Variants in UBE2Q2 observed in about 807,000 individuals in gnomAD.
UBE2Q2 encodes the protein ubiquitin-conjugating enzyme E2 Q2.
In UBE2Q2, 54 loss-of-function variants were observed where a neutral mutation model predicts 59.9. The ratio of observed to expected loss-of-function variants is 0.90; its 90% CI spans 0.72 to 1.13. The LOEUF is 1.13. Ranked by LOEUF, UBE2Q2 falls within the 50% of genes most tolerant of loss-of-function variation. The probability of loss-of-function intolerance (pLI) is 0.00; values close to 1 mark genes in which losing one functional copy is unlikely to be tolerated. For missense variants in UBE2Q2, 433 were observed against 441.9 expected (o/e 0.98, Z 0.18); for synonymous variants, 165 against 155.2 (o/e 1.06, Z -0.47).
At chr15:75,886,400 T>G (rs1255352421) in intron 9 of UBE2Q2, among the ~76,000 whole-genome samples, 1 of 152,122 alleles carries the variant, frequency 6.6e-6, no homozygotes, top group African/African-American at 2.4e-5. Context: ...GATTATGGCA[T>G]GAGCCACTGC....
chr15:75,897,702 A>C (rs987035766), intron 12 of UBE2Q2, among the ~76,000 whole-genome samples: 6 of 150,890 alleles, frequency 4.0e-5, no homozygotes, highest in African/African-American at 1.5e-4. Context: ...TCTTGTTGTT[A>C]TAACTGGAGT....
In UBE2Q2 at chr15:75,879,098, G is replaced by T; in HGVS notation, c.735G>T (p.Lys245Asn). 1.3e-6 allele frequency: 2 copies of T among 1,559,248 alleles called. No individual in the cohort carries two copies. The highest frequency in any genetic ancestry group is 2.0e-5 in the Admixed American group (1 of 48,874). ...CTGTTTTTTGTTTTGTAATTCTTAG[G>T]GTTGACCCTGATAGTCCTTTGCACA... ...SLYDWHVKLQ[K>N]VDPDSPLHSD... Residue 245 changes from lysine to asparagine, a missense_variant and splice_region_variant, in exon 8 of 13, where the codon AAG (lysine) becomes AAT (asparagine). Coordinates refer to ENST00000267938, the MANE Select transcript of UBE2Q2 (RefSeq NM_173469.4).
intron 5 of UBE2Q2, among the ~76,000 whole-genome samples, chr15:75,875,702 G>A (rs1423617062): frequency 6.6e-6 from 1 of 152,134 alleles, no homozygotes; most frequent in African/African-American, 2.4e-5. Context: ...AACTAGACTT[G>A]TGCCTAGTTT....
chr15:75,860,174 TTACTA>T (rs1481557877), intron 3 of UBE2Q2, among the ~76,000 whole-genome samples, 192 bp downstream of exon 3: 4 of 152,236 alleles, frequency 2.6e-5, no homozygotes, highest in Non-Finnish European at 4.4e-5. Context: ...CTGCTGGTAT[TTACTA>T]TACAGGCAAA....
chr15:75,869,470 C>G (rs1020860723), intron 4 of UBE2Q2, among the ~76,000 whole-genome samples: 1 of 152,152 alleles, frequency 6.6e-6, no homozygotes. Context: ...TAACAGAATA[C>G]TGGAGACTGG....
chr15:75,887,431 G>A (rs1307718277), intron 9 of UBE2Q2, among the ~76,000 whole-genome samples: 3 of 152,106 alleles, frequency 2.0e-5, no homozygotes, highest in African/African-American at 7.2e-5. Flanking sequence ...CTAGGAAAGA[G>A]AATGAGATAC....
intron 5 of UBE2Q2, among the ~76,000 whole-genome samples, chr15:75,874,200 C>T (rs186321191): frequency 1.6e-4 from 25 of 152,226 alleles, no homozygotes; most frequent in African/African-American, 5.8e-4. Flanking sequence ...AAATACAATT[C>T]AAGTTCTTTC....
At chr15:75,896,325 A>G (rs1899420017) in intron 11 of UBE2Q2, among the ~76,000 whole-genome samples, 1 of 152,320 alleles carries the variant, frequency 6.6e-6, no homozygotes, top group East Asian at 1.9e-4. Context: ...GTGTGAATTT[A>G]TTATGCAAAA....
Position 75,890,549 on chromosome 15 carries a change from G to A in UBE2Q2, c.933+66G>A, listed in dbSNP as rs776095031. On this transcript the variant is annotated intron_variant, in intron 10 of 12. Coordinates refer to ENST00000267938, the MANE Select transcript of UBE2Q2 (RefSeq NM_173469.4). ...GTGTTTTGATCATGTAAATTAGATT[G>A]TAAGTAGAAAATTCTTTAATAGCTC... 2.8e-6 allele frequency: 4 copies of A among 1,443,698 alleles called. No individual in the cohort carries two copies. The Admixed American group carries it at 8.4e-5, about 30-fold the overall frequency. 89.4% of individuals were successfully genotyped at this position (1,443,698 alleles called of 1,614,324 possible). A position where few individuals can be genotyped will look rare whatever the true frequency, so the allele number is the denominator to read the frequency against.
intron 1 of UBE2Q2, among the ~76,000 whole-genome samples, chr15:75,845,877 A>G (rs1896318518): frequency 6.6e-6 from 1 of 152,212 alleles, no homozygotes; most frequent in South Asian, 2.1e-4. Flanking sequence ...GGCAACAGAA[A>G]TGGAGCAAGA....
Position 75,844,549 on chromosome 15 carries a change from G to T in UBE2Q2, c.180+703G>T, listed in dbSNP as rs985917104. ...GTGTAAGCCTCGAAAATGGATAGGT[G>T]AAAGGAGATACGCGCCAGGGCTGCT... On this transcript the variant is annotated intron_variant, in intron 1 of 12. Coordinates refer to ENST00000267938, the MANE Select transcript of UBE2Q2 (RefSeq NM_173469.4). The T allele has an allele frequency of 5.9e-6, 9 of 1,516,140 alleles. No individual in the cohort carries two copies. In the Admixed American group the frequency reaches 1.2e-4, roughly 20 times the overall value. 93.9% of individuals were successfully genotyped at this position (1,516,140 alleles called of 1,614,324 possible). A position where few individuals can be genotyped will look rare whatever the true frequency, so the allele number is the denominator to read the frequency against.
chr15:75,843,970 C>T, intron 1 of UBE2Q2, 124 bp downstream of exon 1: 1 of 1,405,802 alleles, frequency 7.1e-7, no homozygotes, highest in Non-Finnish European at 9.2e-7. Flanking sequence ...CAGGCCCGCC[C>T]CTTTCCCCCG....
At chr15:75,899,356 C>A in intron 12 of UBE2Q2, 71 bp from the exon 13 acceptor site, 4 of 1,107,208 alleles carry the variant, frequency 3.6e-6, no homozygotes, top group Non-Finnish European at 5.0e-6. Flanking sequence ...CTGTAGCTAA[C>A]CTTATTACAT....
intron 11 of UBE2Q2, among the ~76,000 whole-genome samples, chr15:75,893,330 C>T (rs1169901055): frequency 2.0e-5 from 3 of 152,058 alleles, no homozygotes; most frequent in South Asian, 4.1e-4. Context: ...TAGTATCAAA[C>T]AAAATAGGAT....
At chr15:75,853,062 C>A (rs554311330) in intron 1 of UBE2Q2, among the ~76,000 whole-genome samples, 6 of 152,170 alleles carry the variant, frequency 3.9e-5, no homozygotes, top group African/African-American at 1.4e-4. Flanking sequence ...AATGGCTTTT[C>A]CCCAATTTAT....
At chr15:75,868,296 A>G (rs1367876545) in intron 3 of UBE2Q2, among the ~76,000 whole-genome samples, 3 of 152,226 alleles carry the variant, frequency 2.0e-5, no homozygotes, top group Non-Finnish European at 4.4e-5. Flanking sequence ...AAAAATGGAT[A>G]TGAAAGTCCT....
At chr15:75,898,402 A>G (rs921194136) in intron 12 of UBE2Q2, among the ~76,000 whole-genome samples, 15 of 152,176 alleles carry the variant, frequency 9.9e-5, no homozygotes, top group Admixed American at 9.2e-4. Flanking sequence ...AAAAAAATAG[A>G]TATTATACTT....
At chr15:75,895,910 C>G (rs1343100597) in intron 11 of UBE2Q2, among the ~76,000 whole-genome samples, 1 of 152,148 alleles carries the variant, frequency 6.6e-6, no homozygotes, top group East Asian at 1.9e-4. Context: ...GATATACGTA[C>G]AAGGTTGCTC....
In UBE2Q2 at chr15:75,856,307, C is replaced by T. The variant is rs1214149361; in HGVS notation, c.282+1820C>T. 2.9e-5 allele frequency among the ~76,000 whole-genome samples: 4 copies of T among 140,072 alleles called. No homozygotes were observed. In the East Asian group the frequency reaches 8.0e-4, roughly 28 times the overall value. The allele number at this position is 140,072 out of a possible 152,430, so 91.9% of individuals were successfully genotyped here. A position where few individuals can be genotyped will look rare whatever the true frequency, so the allele number is the denominator to read the frequency against. ...TATATATATATAATGAATTTCAGTACAAATCCCAGCAGATTTATTTTTGGA... is the reference window on the plus strand; with the variant it reads ...TATATATATATAATGAATTTCAGTATAAATCCCAGCAGATTTATTTTTGGA... On this transcript the variant is annotated intron_variant, in intron 2 of 12. Transcript: ENST00000267938.
Sources: allele counts gnomAD v4.1 joint callset (sites outside exome capture counted in the v4.1 genomes callset), GRCh38; gene constraint gnomAD v4.1.1; transcripts MANE v1.5; gene names NCBI Gene and HGNC (gene_info 2026-07-23, HGNC 2026-07-21).